The following XIRP2 variants were observed in gnomAD, a reference collection of about 807,000 sequenced individuals.
XIRP2 encodes the protein xin actin binding repeat containing 2.
In XIRP2, 236 loss-of-function variants were observed where a neutral mutation model predicts 277.0. That is an observed-to-expected ratio of 0.85 (90% CI 0.77 to 0.95). The LOEUF is 0.95. Among genes scored for constraint, XIRP2 ranks in the 40% least tolerant of loss-of-function variants. The pLI is 0.00. For synonymous variants in XIRP2, 1,490 were observed against 1,416.5 expected (o/e 1.05, Z -1.17); for missense variants, 4,640 against 4,157.5 (o/e 1.12, Z -3.19).
At chr2:167,187,198 C>T in intron 3 of XIRP2, 6 of 961,170 alleles carry the variant, frequency 6.2e-6, no homozygotes, top group Non-Finnish European at 7.4e-6. Flanking sequence ...GTGTTAGAGC[C>T]ATGCATACAT....
At chr2:166,936,340 A>C (rs1685500734) in intron 2 of XIRP2, among the ~76,000 whole-genome samples, 1 of 152,182 alleles carries the variant, frequency 6.6e-6, no homozygotes, top group South Asian at 2.1e-4. Flanking sequence ...AGATTGCAAA[A>C]ATTTTCTCCC....
intron 2 of XIRP2, among the ~76,000 whole-genome samples, chr2:167,033,465 A>T (rs1688421932): frequency 6.6e-6 from 1 of 152,148 alleles, no homozygotes; most frequent in South Asian, 2.1e-4. Context: ...TATTCAATGC[A>T]ATAAAAACAG....
chr2:167,160,735 T>A (rs1692339026), intron 3 of XIRP2, among the ~76,000 whole-genome samples: 1 of 152,048 alleles, frequency 6.6e-6, no homozygotes, highest in Non-Finnish European at 1.5e-5. Flanking sequence ...ACAAACCATA[T>A]CATTCCATCC....
intron 2 of XIRP2, among the ~76,000 whole-genome samples, chr2:167,097,803 A>G (rs55670707): frequency 0.26 from 39,767 of 152,040 alleles, 7,722 homozygotes; most frequent in African/African-American, 0.55. Flanking sequence ...TCCTTCATTT[A>G]TGAAGCTTAG....
rs756739127 is a variant in XIRP2, at chr2:167,242,842, G to A, written c.1450G>A (p.Val484Ile). 7 of 1,613,978 alleles carry A rather than the reference G, an allele frequency of 4.3e-6. No homozygotes were observed. The South Asian group carries it at 7.7e-5, about 18-fold the overall frequency. Residue 484 changes from valine to isoleucine, a missense_variant, in exon 9 of 11, where the codon GTC becomes ATC. By Grantham distance (29) the Val-to-Ile change is conservative (BLOSUM62 3). Transcript: ENST00000409195. Reference sequence around the variant, plus strand: ...GCCCAGTCCTCCTAGAAGACTACCAGTCCCCAAAGATGTATATTCCAAGCA... The same window carrying A: ...GCCCAGTCCTCCTAGAAGACTACCAATCCCCAAAGATGTATATTCCAAGCA... ...ELPSPPRRLPVPKDVYSKQRN... is the reference protein window; with the variant it reads ...ELPSPPRRLPIPKDVYSKQRN...
At chr2:167,000,871 T>C (rs1273718795) in intron 2 of XIRP2, among the ~76,000 whole-genome samples, 1 of 152,008 alleles carries the variant, frequency 6.6e-6, no homozygotes, top group African/African-American at 2.4e-5. Flanking sequence ...ATGGAAATAG[T>C]AAAGAATACA....
chr2:167,244,538 C>T lies in XIRP2; in HGVS notation c.3146C>T (p.Thr1049Ile), dbSNP rs761548191. ...GGAATATCTGCTCAAGAAATACAGA[C>T]TGGAAATGTGAAATCTGCCAAATGG... ...IRGISAQEIQ[T>I]GNVKSAKWLF... Residue 1049 changes from threonine to isoleucine, a missense_variant, in exon 9 of 11, where the codon ACT becomes ATT. Coordinates refer to ENST00000409195, the MANE Select transcript of XIRP2 (RefSeq NM_152381.6). 6.8e-6 allele frequency: 11 copies of T among 1,613,092 alleles called. No individual in the cohort carries two copies. In the South Asian group the frequency reaches 1.1e-4, roughly 16 times the overall value.
intron 2 of XIRP2, among the ~76,000 whole-genome samples, chr2:167,091,566 T>C (rs112407386): frequency 0.032 from 4,795 of 152,200 alleles, 107 homozygotes; most frequent in East Asian, 0.05. Flanking sequence ...CCTGAAATTA[T>C]TAGCCTTTTC....
chr2:167,045,179 T>G (rs1404771504), intron 2 of XIRP2, among the ~76,000 whole-genome samples: 1 of 152,116 alleles, frequency 6.6e-6, no homozygotes, highest in African/African-American at 2.4e-5. Flanking sequence ...TAAATGGTGC[T>G]GGGATAGTTG....
chr2:166,896,739 G>T (rs1684254006), intron 1 of XIRP2, among the ~76,000 whole-genome samples: 1 of 152,096 alleles, frequency 6.6e-6, no homozygotes, highest in African/African-American at 2.4e-5. Context: ...TCTACAGCAG[G>T]AGTGTACAGT....
intron 2 of XIRP2, among the ~76,000 whole-genome samples, chr2:167,026,468 A>G (rs1688163956): frequency 6.6e-6 from 1 of 152,082 alleles, no homozygotes; most frequent in African/African-American, 2.4e-5. Flanking sequence ...TAAAGTTAAT[A>G]TTGTTATGTG....
chr2:167,168,686 C>T (rs113027543), intron 3 of XIRP2, among the ~76,000 whole-genome samples: 15,015 of 152,204 alleles, frequency 0.099, 785 homozygotes, highest in South Asian at 0.15. Flanking sequence ...ATGATCTCTG[C>T]TCACTGCAAG....
rs776835140 is a variant in XIRP2 at position 166,903,871 on chromosome 2, C to T, written c.389C>T (p.Pro130Leu). The change falls in exon 2 of 11, where the codon CCA (proline) becomes CTA (leucine). Residue 130 changes from proline (P) to leucine (L), a missense_variant. Coordinates refer to ENST00000409195, the MANE Select transcript of XIRP2 (RefSeq NM_152381.6). ...GAGGCTCCTAAGAGTGGAAACAAAC[C>T]AGCTGAGTACGGTGGAAAGGTAAGG... ...VFEAPKSGNK[P>L]AEYGGKEVEI... is the part of the protein sequence containing the mutation. 4 of 1,612,814 alleles carry T rather than the reference C, an allele frequency of 2.5e-6. No homozygotes were observed. Among genetic ancestry groups the T allele is most frequent in the Admixed American group, 3.3e-5 (2 of 59,890 alleles).
chr2:166,934,664 T>A (rs1685441204), intron 2 of XIRP2, among the ~76,000 whole-genome samples: 1 of 152,262 alleles, frequency 6.6e-6, no homozygotes, highest in African/African-American at 2.4e-5. Flanking sequence ...TAGTCCTCTA[T>A]AAGATCCTCT....
At chr2:167,161,834 G>A (rs538345333) in intron 3 of XIRP2, among the ~76,000 whole-genome samples, 3 of 152,110 alleles carry the variant, frequency 2.0e-5, no homozygotes, top group South Asian at 2.1e-4. Context: ...CTTTTCTATC[G>A]CATTGTCAAG....
Position 166,978,100 on chromosome 2 carries a change from TTC to T in XIRP2, c.408+74212_408+74213del, listed in dbSNP as rs575119516. Among the ~76,000 whole-genome samples the T allele has an allele frequency of 2.2e-3, 335 of 152,318 alleles. 1 individual carries two copies. Among genetic ancestry groups the T allele is most frequent in the African/African-American group, 7.7e-3 (322 of 41,570 alleles). On this transcript the variant is annotated intron_variant, in intron 2 of 10. Coordinates refer to ENST00000409195, the MANE Select transcript of XIRP2 (RefSeq NM_152381.6). ...AAATTCATTTCTTTCTATACAGATT[TTC>T]TGTTTTTCCAATATTATTGTTCAAA...
At chr2:167,138,960 G>A (rs1010823376) in intron 3 of XIRP2, among the ~76,000 whole-genome samples, 2 of 151,972 alleles carry the variant, frequency 1.3e-5, no homozygotes, top group African/African-American at 4.8e-5. Context: ...TCAGCTACTC[G>A]GGAGGCTGAG....
At chr2:167,043,015 C>T (rs1014594948) in intron 2 of XIRP2, among the ~76,000 whole-genome samples, 2 of 151,972 alleles carry the variant, frequency 1.3e-5, no homozygotes, top group African/African-American at 2.4e-5. Flanking sequence ...ACATAGAAAT[C>T]GATACCAAGA....
rs776926324 is a variant in XIRP2 at position 167,214,093 on chromosome 2, A to AGAAGGAAGGAAGGAAGGAAGGAAG, written c.723+3219_723+3242dup. Among the ~76,000 whole-genome samples the AGAAGGAAGGAAGGAAGGAAGGAAG allele has an allele frequency of 2.1e-3, 137 of 64,364 alleles. 3 individuals are homozygous for AGAAGGAAGGAAGGAAGGAAGGAAG. Among genetic ancestry groups the AGAAGGAAGGAAGGAAGGAAGGAAG allele is most frequent in the Non-Finnish European group, 2.6e-3 (93 of 35,942 alleles). The allele number at this position is 64,364 out of a possible 152,430, so 42.2% of individuals were successfully genotyped here. On this transcript the variant is annotated intron_variant, in intron 4 of 10. Transcript: ENST00000409195. ...TAGAAAGGAAGGAAGGAAGAAAGAA[A>AGAAGGAAGGAAGGAAGGAAGGAAG]GAAGGAAGGAAGGAAGGAAGGAAGG...
Sources: gnomAD v4.1 joint callset for allele counts (sites outside exome capture counted in the v4.1 genomes callset) on GRCh38, gnomAD v4.1.1 for gene constraint, MANE v1.5 for transcripts, NCBI Gene and HGNC (gene_info 2026-07-23, HGNC 2026-07-21) for gene names.